Variants in KIAA0825 observed in about 807,000 individuals in gnomAD.
KIAA0825 encodes uncharacterized protein KIAA0825.
In KIAA0825, 119 loss-of-function variants were observed where a neutral mutation model predicts 147.6. The ratio of observed to expected loss-of-function variants is 0.81; its 90% CI spans 0.69 to 0.94. KIAA0825 has a LOEUF of 0.94. KIAA0825 is among the 40% of genes least tolerant of loss of function. The pLI is 0.00. For synonymous variants in KIAA0825, 470 were observed against 518.1 expected, an observed-to-expected ratio of 0.91 and a Z score of 1.26; for missense variants, 1,381 against 1,472.7, an observed-to-expected ratio of 0.94 and a Z score of 1.02.
At chr5:94,397,162 A>G (rs571228116) in intron 16 of KIAA0825, among the ~76,000 whole-genome samples, 5 of 152,286 alleles carry the variant, frequency 3.3e-5, no homozygotes, top group Middle Eastern at 3.4e-3. Context: ...AAGCTCTGAG[A>G]AGGCATTCCC....
intron 20 of KIAA0825, among the ~76,000 whole-genome samples, chr5:94,287,140 T>C (rs1777694838): frequency 6.6e-6 from 1 of 152,200 alleles, no homozygotes; most frequent in East Asian, 1.9e-4. Flanking sequence ...TTAATGTATA[T>C]AAAGTCACCA....
intron 20 of KIAA0825, among the ~76,000 whole-genome samples, chr5:94,335,058 A>G (rs1019229441): frequency 1.3e-5 from 2 of 152,154 alleles, no homozygotes; most frequent in South Asian, 2.1e-4. Flanking sequence ...AATGAATTCT[A>G]TACTTTCAAC....
chr5:94,595,705 T>A (rs1341872745), intron 1 of KIAA0825, among the ~76,000 whole-genome samples: 1 of 152,226 alleles, frequency 6.6e-6, no homozygotes, highest in Non-Finnish European at 1.5e-5. Flanking sequence ...CAAACTGTTA[T>A]GCTCTGCTTC....
chr5:94,205,268 C>CAAATATATATATAT (rs1772048100), intron 20 of KIAA0825, among the ~76,000 whole-genome samples: 1 of 90,308 alleles, frequency 1.1e-5, no homozygotes, highest in African/African-American at 4.5e-5. Context: ...ACTATTTAAT[C>CAAATATATATATAT]ATATATATAT....
chr5:94,234,984 C>A (rs1774960488), intron 20 of KIAA0825, among the ~76,000 whole-genome samples: 1 of 152,008 alleles, frequency 6.6e-6, no homozygotes, highest in Non-Finnish European at 1.5e-5. Flanking sequence ...CAACTGTTCC[C>A]CTGTCTCTCT....
chr5:94,391,867 C>T, intron 17 of KIAA0825, among the ~76,000 whole-genome samples, 173 bp from the exon 18 acceptor site: 1 of 152,200 alleles, frequency 6.6e-6, no homozygotes, highest in East Asian at 1.9e-4. Flanking sequence ...TAAACAGCAC[C>T]TTAGAATTAA....
intron 13 of KIAA0825, among the ~76,000 whole-genome samples, chr5:94,446,307 A>T (rs1374108917): frequency 6.6e-6 from 1 of 152,210 alleles, no homozygotes; most frequent in South Asian, 2.1e-4. Flanking sequence ...TATAGAATTT[A>T]GTGGAGGACA....
intron 2 of KIAA0825, among the ~76,000 whole-genome samples, chr5:94,542,010 C>A (rs1239869079): frequency 6.6e-6 from 1 of 151,994 alleles, no homozygotes; most frequent in African/African-American, 2.4e-5. Flanking sequence ...AGCTGAATTT[C>A]TTTGTCAATT....
chr5:94,493,977 T>G (rs923308508), intron 5 of KIAA0825, among the ~76,000 whole-genome samples: 1 of 152,154 alleles, frequency 6.6e-6, no homozygotes, highest in Non-Finnish European at 1.5e-5. Flanking sequence ...CTATTTCCTT[T>G]GGAGGGGTCC....
rs1761455284 is a variant in KIAA0825, at chr5:94,473,405, G to A, written c.1342C>T (p.Gln448Ter). The change falls in exon 8 of 21, where the codon CAG becomes TAG. Residue 448 changes from glutamine to a stop codon, truncating the protein, a stop_gained. Coordinates refer to ENST00000682413, the MANE Select transcript of KIAA0825 (RefSeq NM_001145678.3). LOFTEE classifies it high-confidence loss of function. ...GFSTKILQQEQNERSSAVSYA... is the reference protein window; with the variant it reads ...GFSTKILQQE ...CTCACAGCTGAAGACCTTTCATTCT[G>A]TTCCTGTTGGAGAATTTTTGTGGAA... 6.4e-7 allele frequency: 1 copy of A among 1,551,994 alleles called. No individual in the cohort carries two copies. Among genetic ancestry groups the A allele is most frequent in the African/African-American group, 1.4e-5 (1 of 73,160 alleles).
rs758940038 is a variant in KIAA0825 at position 94,524,033 on chromosome 5, T to C, written c.197A>G (p.Gln66Arg). 1 of 1,610,080 alleles carries C rather than the reference T, an allele frequency of 6.2e-7. No individual in the cohort carries two copies. The highest frequency in any genetic ancestry group is 8.5e-7 in the Non-Finnish European group (1 of 1,177,370). ...INKQCPGVQLQTTTDCFEWLT... is the reference protein window; with the variant it reads ...INKQCPGVQLRTTTDCFEWLT... ...CCATTCAAAGCAGTCAGTTGTTGTT[T>C]GCAGCTGCACACCTGGACATTGTTT... is the stretch of plus-strand genomic sequence containing the variant. Residue 66 changes from glutamine (Q) to arginine (R), a missense_variant, in exon 4 of 21, where the codon CAA becomes CGA. Physicochemically the swap from Gln to Arg is conservative, Grantham distance 43 (BLOSUM62 1). Transcript: ENST00000682413.
At chr5:94,541,779 C>T (rs959032393) in intron 2 of KIAA0825, among the ~76,000 whole-genome samples, 1 of 151,988 alleles carries the variant, frequency 6.6e-6, no homozygotes, top group African/African-American at 2.4e-5. Context: ...GGTTTGACAC[C>T]AATAATGCAC....
intron 20 of KIAA0825, among the ~76,000 whole-genome samples, chr5:94,373,436 T>G (rs1343666182): frequency 6.6e-6 from 1 of 152,140 alleles, no homozygotes; most frequent in East Asian, 1.9e-4. Flanking sequence ...AAAGAAAATT[T>G]ATAAAGGAAA....
At chr5:94,231,767 A>C (rs1253020649) in intron 20 of KIAA0825, among the ~76,000 whole-genome samples, 1 of 152,146 alleles carries the variant, frequency 6.6e-6, no homozygotes, top group African/African-American at 2.4e-5. Context: ...AGACTGAGTA[A>C]ATGTCCAGTT....
chr5:94,313,510 T>G (rs1370684530), intron 20 of KIAA0825, among the ~76,000 whole-genome samples: 1 of 151,652 alleles, frequency 6.6e-6, no homozygotes, highest in Non-Finnish European at 1.5e-5. Flanking sequence ...TACAAATGGA[T>G]TAAGTATCAT....
At chr5:94,479,929 G>T (rs1311702511) in intron 6 of KIAA0825, among the ~76,000 whole-genome samples, 1 of 151,878 alleles carries the variant, frequency 6.6e-6, no homozygotes, top group Admixed American at 6.6e-5. Context: ...TTTTAAATTG[G>T]GTTGTTTGTT....
chr5:94,162,026 G>C (rs183019011), intron 20 of KIAA0825, among the ~76,000 whole-genome samples: 219 of 152,318 alleles, frequency 1.4e-3, no homozygotes, highest in African/African-American at 5.1e-3. Context: ...ATTGGAAAGT[G>C]TAGGAAGAGT....
intron 20 of KIAA0825, among the ~76,000 whole-genome samples, chr5:94,250,455 A>C (rs1475442154): frequency 2.6e-5 from 4 of 152,146 alleles, no homozygotes; most frequent in Non-Finnish European, 5.9e-5. Context: ...CCACAAAGTT[A>C]ATATTCACTT....
intron 14 of KIAA0825, among the ~76,000 whole-genome samples, chr5:94,430,855 A>G (rs142908721): frequency 2.0e-5 from 3 of 152,322 alleles, no homozygotes; most frequent in Non-Finnish European, 2.9e-5. Context: ...CAAACTGCCA[A>G]TCTCCCAAGC....
Sources: allele counts gnomAD v4.1 joint callset (sites outside exome capture counted in the v4.1 genomes callset), GRCh38; gene constraint gnomAD v4.1.1; transcripts MANE v1.5; gene names NCBI Gene and HGNC (gene_info 2026-07-23, HGNC 2026-07-21).